Variants in DOK6 observed in about 807,000 individuals in gnomAD.
DOK6 encodes the protein docking protein 6.
In DOK6, 22 loss-of-function variants were observed where a neutral mutation model predicts 44.0. That is an observed-to-expected ratio of 0.50 (90% CI 0.36 to 0.71). DOK6 has a LOEUF of 0.71. Among genes scored for constraint, DOK6 ranks in the 30% least tolerant of loss-of-function variants. The pLI, the probability that DOK6 is intolerant of heterozygous loss-of-function variation, is 0.00. For synonymous variants in DOK6, 166 were observed against 145.5 expected, an observed-to-expected ratio of 1.14 and a Z score of -1.01; for missense variants, 340 against 416.4, an observed-to-expected ratio of 0.82 and a Z score of 1.60.
chr18:69,829,170 G>A (rs1047093910), intron 7 of DOK6, among the ~76,000 whole-genome samples: 8 of 150,094 alleles, frequency 5.3e-5, no homozygotes, highest in Non-Finnish European at 7.4e-5. Flanking sequence ...AGAGAAAACA[G>A]AGAAATGGAA....
chr18:69,430,786 G>A (rs1357047181), intron 1 of DOK6, among the ~76,000 whole-genome samples: 1 of 152,096 alleles, frequency 6.6e-6, no homozygotes, highest in African/African-American at 2.4e-5. Context: ...GATTAACATG[G>A]TGAAACCCCA....
At chr18:69,739,141 T>G (rs1978716954) in intron 6 of DOK6, 38 bp downstream of exon 6, 1 of 1,609,626 alleles carries the variant, frequency 6.2e-7, no homozygotes, top group African/African-American at 1.3e-5. Context: ...AGCTTGGAAA[T>G]GAATGTCACT....
chr18:69,507,289 A>C (rs2144553092), intron 1 of DOK6, among the ~76,000 whole-genome samples: 1 of 152,214 alleles, frequency 6.6e-6, no homozygotes, highest in African/African-American at 2.4e-5. Context: ...GGCCTCCCAA[A>C]GTGCTGGGAT....
intron 1 of DOK6, among the ~76,000 whole-genome samples, chr18:69,438,184 AGTGATGC>A (rs1979035904): frequency 6.6e-6 from 1 of 152,156 alleles, no homozygotes; most frequent in Admixed American, 6.6e-5. Flanking sequence ...CTCTGTAGCA[AGTGATGC>A]TATTTGATAG....
At chr18:69,652,444 C>T (rs112270173) in intron 3 of DOK6, among the ~76,000 whole-genome samples, 7 of 152,222 alleles carry the variant, frequency 4.6e-5, no homozygotes, top group African/African-American at 1.7e-4. Context: ...GAGAACATCC[C>T]TCAAAAACTG....
intron 1 of DOK6, among the ~76,000 whole-genome samples, chr18:69,525,720 C>A (rs1352708875): frequency 1.3e-5 from 2 of 152,070 alleles, no homozygotes; most frequent in Admixed American, 6.6e-5. Flanking sequence ...TACAGCTACT[C>A]ACCTCTGCCA....
At chr18:69,627,410 A>G (rs1568315538) in intron 3 of DOK6, among the ~76,000 whole-genome samples, 1 of 152,118 alleles carries the variant, frequency 6.6e-6, no homozygotes, top group Non-Finnish European at 1.5e-5. Flanking sequence ...GTAATAATTT[A>G]TAAATAATTC....
intron 1 of DOK6, among the ~76,000 whole-genome samples, chr18:69,507,294 T>C (rs1599164210): frequency 6.6e-6 from 1 of 152,322 alleles, no homozygotes; most frequent in African/African-American, 2.4e-5. Context: ...CCCAAAGTGC[T>C]GGGATTACAG....
chr18:69,769,523 T>C (rs940252320), intron 7 of DOK6, among the ~76,000 whole-genome samples: 6 of 152,128 alleles, frequency 3.9e-5, no homozygotes, highest in Non-Finnish European at 7.4e-5. Flanking sequence ...TTTTAAAATA[T>C]TTTAAAAATT....
rs186974695 is a variant in DOK6, at chr18:69,847,187, T to A, written c.*5804T>A. 1 of 152,300 alleles carries A rather than the reference T, an allele frequency of 6.6e-6. No individual in the cohort carries two copies. Among genetic ancestry groups the A allele is most frequent in the East Asian group, 1.9e-4 (1 of 5,178 alleles). 9.4% of individuals were successfully genotyped at this position (152,300 alleles called of 1,614,324 possible). A position where few individuals can be genotyped will look rare whatever the true frequency, so the allele number is the denominator to read the frequency against. On this transcript the variant is annotated 3_prime_UTR_variant, in exon 8 of 8. Transcript: ENST00000382713. ...CCCTAGTCTGAACTCCACATTCCAGTTGTCAGAAGAATGAATGGATTTAAA... is the reference window on the plus strand; with the variant it reads ...CCCTAGTCTGAACTCCACATTCCAGATGTCAGAAGAATGAATGGATTTAAA...
intron 3 of DOK6, among the ~76,000 whole-genome samples, chr18:69,645,485 T>C (rs1407012269): frequency 6.6e-6 from 1 of 152,200 alleles, no homozygotes; most frequent in Non-Finnish European, 1.5e-5. Flanking sequence ...TTGTATCAGA[T>C]ATAGCCATGA....
chr18:69,425,221 G>A (rs1010738803), intron 1 of DOK6, among the ~76,000 whole-genome samples: 2 of 151,964 alleles, frequency 1.3e-5, no homozygotes, highest in African/African-American at 4.8e-5. Flanking sequence ...AATATGGATC[G>A]ATAATTTGCC....
rs996011062 is a variant in DOK6, at chr18:69,848,693, A to G, written c.*7310A>G. 6.6e-6 allele frequency: 1 copy of G among 152,240 alleles called. No individual in the cohort carries two copies. The highest frequency in any genetic ancestry group is 2.4e-5 in the African/African-American group (1 of 41,460). The allele number at this position is 152,240 out of a possible 1,614,324, so 9.4% of individuals were successfully genotyped here. On this transcript the variant is annotated 3_prime_UTR_variant, in exon 8 of 8. Transcript: ENST00000382713. ...TTCTGAAGTCGTAGTTTTTAATCTT[A>G]ACCATCAATAAATAAACCTATTGTT...
chr18:69,495,327 C>T (rs2119964), intron 1 of DOK6, among the ~76,000 whole-genome samples: 68,543 of 151,872 alleles, frequency 0.45, 15,848 homozygotes, highest in African/African-American at 0.49. Flanking sequence ...TGTGTTACAG[C>T]TCTTTCAGCC....
chr18:69,739,808 A>C (rs551249467), intron 6 of DOK6, among the ~76,000 whole-genome samples: 1 of 152,190 alleles, frequency 6.6e-6, no homozygotes, highest in African/African-American at 2.4e-5. Flanking sequence ...AGGATTTATA[A>C]AGATGCATCA....
intron 3 of DOK6, among the ~76,000 whole-genome samples, chr18:69,630,301 T>G (rs1225598047): frequency 6.6e-6 from 1 of 152,190 alleles, no homozygotes; most frequent in African/African-American, 2.4e-5. Context: ...AAATTGATTA[T>G]GGGTTTTCTG....
rs554827406 is a variant in DOK6 at position 69,841,176 on chromosome 18, G to A, written c.857-68G>A. Reference sequence around the variant, plus strand: ...ATAGATAGATAGATAATAGATAGATGATAGATAGTGTATCTTTTGTGCTTC... The same window carrying A: ...ATAGATAGATAGATAATAGATAGATAATAGATAGTGTATCTTTTGTGCTTC... On this transcript the variant is annotated intron_variant, in intron 7 of 7. Transcript: ENST00000382713. 6 of 1,583,992 alleles carry A rather than the reference G, an allele frequency of 3.8e-6. No individual in the cohort carries two copies. The South Asian group carries it at 6.7e-5, about 18-fold the overall frequency.
intron 5 of DOK6, among the ~76,000 whole-genome samples, chr18:69,731,545 A>G (rs1009333913): frequency 2.6e-5 from 4 of 152,198 alleles, no homozygotes; most frequent in African/African-American, 4.8e-5. Context: ...GTCAGTTGAA[A>G]TGCTGAAAGG....
At chr18:69,422,521 T>C (rs1978520752) in intron 1 of DOK6, among the ~76,000 whole-genome samples, 1 of 152,210 alleles carries the variant, frequency 6.6e-6, no homozygotes, top group African/African-American at 2.4e-5. Flanking sequence ...ACTGCCACTG[T>C]TTTCGAAGTT....
Sources: allele counts gnomAD v4.1 joint callset (sites outside exome capture counted in the v4.1 genomes callset), GRCh38; gene constraint gnomAD v4.1.1; transcripts MANE v1.5; gene names NCBI Gene and HGNC (gene_info 2026-07-23, HGNC 2026-07-21).